The following PPARGC1A variants were observed in gnomAD, a reference collection of about 807,000 sequenced individuals.
PPARGC1A encodes the protein peroxisome proliferator-activated receptor gamma coactivator 1-alpha.
Under a neutral mutation model 88.7 loss-of-function variants are expected in PPARGC1A, and 25 were observed. That is an observed-to-expected ratio of 0.28 (90% CI 0.21 to 0.39). PPARGC1A has a LOEUF of 0.39. Among genes scored for constraint, PPARGC1A ranks in the 10% least tolerant of loss-of-function variants. The pLI is 1.00. For synonymous variants in PPARGC1A, 363 were observed against 355.6 expected (o/e 1.02, Z -0.24); for missense variants, 880 against 968.7 (o/e 0.91, Z 1.22).
chr4:23,988,326 G>A, the PPARGC1A span, among the ~76,000 whole-genome samples: 1 of 151,962 alleles, frequency 6.6e-6, no homozygotes, highest in Non-Finnish European at 1.5e-5. Context: ...TGAGTCAAAT[G>A]GTATTTCTAG....
At chr4:24,025,664 T>A in the PPARGC1A span, among the ~76,000 whole-genome samples, 6 of 148,002 alleles carry the variant, frequency 4.1e-5, no homozygotes, top group East Asian at 8.0e-4. Context: ...AAATAAGGTA[T>A]GGATATTAAA....
chr4:24,421,219 T>C, the PPARGC1A span, among the ~76,000 whole-genome samples: 8 of 152,192 alleles, frequency 5.3e-5, no homozygotes, highest in Non-Finnish European at 1.0e-4. Context: ...AGAAAATTTT[T>C]TAGCAGGAGT....
At chr4:23,954,523 TAAGTAA>T in the PPARGC1A span, among the ~76,000 whole-genome samples, 1 of 152,032 alleles carries the variant, frequency 6.6e-6, no homozygotes. Context: ...TGAAGAAGTT[TAAGTAA>T]AAGTTTGAAA....
the PPARGC1A span, among the ~76,000 whole-genome samples, chr4:23,985,811 A>C: frequency 1.3e-5 from 2 of 152,098 alleles, no homozygotes; most frequent in South Asian, 4.1e-4. Context: ...CATGAGAGTC[A>C]ATTATGCCAA....
chr4:24,031,814 C>T, the PPARGC1A span, among the ~76,000 whole-genome samples: 1 of 152,220 alleles, frequency 6.6e-6, no homozygotes, highest in Non-Finnish European at 1.5e-5. Flanking sequence ...CTCTGAGAGT[C>T]TCCAGTGGTA....
At chr4:23,801,239 T>G (rs776132623) in intron 12 of PPARGC1A, among the ~76,000 whole-genome samples, 26 of 151,186 alleles carry the variant, frequency 1.7e-4, no homozygotes, top group Non-Finnish European at 3.5e-4. Flanking sequence ...TGTAGACACA[T>G]ACAATACCTG....
chr4:24,130,700 C>A, the PPARGC1A span, among the ~76,000 whole-genome samples: 1 of 152,152 alleles, frequency 6.6e-6, no homozygotes. Context: ...CAGACCTGAA[C>A]GTCCTCATCT....
At chr4:24,095,884 G>T in the PPARGC1A span, among the ~76,000 whole-genome samples, 2 of 152,164 alleles carry the variant, frequency 1.3e-5, no homozygotes, top group Non-Finnish European at 2.9e-5. Flanking sequence ...ATTCACAAGG[G>T]AGAAGCCCTC....
chr4:24,244,425 T>C, the PPARGC1A span, among the ~76,000 whole-genome samples: 9 of 152,224 alleles, frequency 5.9e-5, no homozygotes, highest in Non-Finnish European at 8.8e-5. Flanking sequence ...TTTTAAGTTA[T>C]GTATTAAGCC....
At chr4:24,158,913 C>G in the PPARGC1A span, among the ~76,000 whole-genome samples, 11 of 152,064 alleles carry the variant, frequency 7.2e-5, no homozygotes, top group African/African-American at 1.9e-4. Context: ...TAAAATATAC[C>G]TTTTCCTACA....
the PPARGC1A span, among the ~76,000 whole-genome samples, chr4:23,947,649 C>T: frequency 2.6e-5 from 4 of 151,906 alleles, no homozygotes; most frequent in Admixed American, 2.6e-4. Flanking sequence ...AGACGTGGCC[C>T]CTCTGTTTCA....
the PPARGC1A span, among the ~76,000 whole-genome samples, chr4:24,227,818 G>C: frequency 2.0e-5 from 3 of 152,182 alleles, no homozygotes; most frequent in African/African-American, 7.2e-5. Flanking sequence ...GATGAGAGGA[G>C]AGCACTGAGC....
chr4:23,922,636 G>A, the PPARGC1A span, among the ~76,000 whole-genome samples: 1 of 152,188 alleles, frequency 6.6e-6, no homozygotes, highest in African/African-American at 2.4e-5. Flanking sequence ...TGGCATCTTA[G>A]CTTTCTGTGT....
At chr4:24,001,275 G>A in the PPARGC1A span, among the ~76,000 whole-genome samples, 1 of 152,240 alleles carries the variant, frequency 6.6e-6, no homozygotes, top group Non-Finnish European at 1.5e-5. Context: ...GGTGGAAGTG[G>A]GGAGGAAATA....
the PPARGC1A span, among the ~76,000 whole-genome samples, chr4:23,993,643 C>T: frequency 1.3e-5 from 2 of 152,040 alleles, no homozygotes; most frequent in African/African-American, 4.8e-5. Flanking sequence ...ACAACTTGCC[C>T]AAAGACACAC....
the PPARGC1A span, among the ~76,000 whole-genome samples, chr4:24,039,624 A>T: frequency 6.6e-6 from 1 of 152,136 alleles, no homozygotes; most frequent in East Asian, 1.9e-4. Flanking sequence ...CAAATTCATA[A>T]TCTCTGGAAT....
intron 6 of PPARGC1A, 22 bp downstream of exon 6, chr4:23,824,441 G>T (rs756802422): frequency 1.2e-6 from 2 of 1,607,504 alleles, no homozygotes; most frequent in African/African-American, 1.3e-5. Context: ...TTCAGAAAAT[G>T]GTTACATTTC....
At chr4:24,357,082 G>C in the PPARGC1A span, among the ~76,000 whole-genome samples, 1 of 152,194 alleles carries the variant, frequency 6.6e-6, no homozygotes, top group East Asian at 1.9e-4. Context: ...GCTGAGACAG[G>C]TCTGCACCAT....
chr4:24,308,417 G>A, the PPARGC1A span, among the ~76,000 whole-genome samples: 2 of 151,986 alleles, frequency 1.3e-5, no homozygotes, highest in African/African-American at 4.8e-5. Flanking sequence ...TGAGTTAGAG[G>A]CTATATTTCT....
Sources: allele counts gnomAD v4.1 joint callset (sites outside exome capture counted in the v4.1 genomes callset), GRCh38; gene constraint gnomAD v4.1.1; transcripts MANE v1.5; gene names NCBI Gene and HGNC (gene_info 2026-07-23, HGNC 2026-07-21).